The following STKLD1 variants were observed in gnomAD, a reference collection of about 807,000 sequenced individuals.
STKLD1 encodes the protein serine/threonine kinase like domain containing 1.
Under a neutral mutation model 80.4 loss-of-function variants are expected in STKLD1, and 79 were observed. That is an observed-to-expected ratio of 0.98 (90% CI 0.82 to 1.19). The LOEUF (loss-of-function observed/expected upper bound fraction) is 1.19. Among genes scored for constraint, STKLD1 ranks in the 50% most tolerant of loss-of-function variants. STKLD1 has a pLI of 0.00. For synonymous variants in STKLD1, 393 were observed against 357.6 expected (o/e 1.10, Z -1.12); for missense variants, 841 against 856.0 (o/e 0.98, Z 0.22).
intron 1 of STKLD1, among the ~76,000 whole-genome samples, chr9:133,376,956 T>A (rs1299707634): frequency 1.3e-5 from 2 of 152,146 alleles, no homozygotes; most frequent in African/African-American, 4.8e-5. Flanking sequence ...GTTTGAGACC[T>A]AAAAAATTCA....
chr9:133,395,794 T>C (rs1554776655), intron 9 of STKLD1, 31 bp downstream of exon 9: 2 of 1,605,350 alleles, frequency 1.2e-6, no homozygotes, highest in Admixed American at 3.4e-5. Context: ...TATTTTAACC[T>C]GTGGATTTAT....
chr9:133,404,718 C>A, intron 16 of STKLD1, 71 bp from the exon 17 acceptor site: 1 of 1,564,424 alleles, frequency 6.4e-7, no homozygotes, highest in South Asian at 1.2e-5. Context: ...GGGTCCCATC[C>A]CGTCCTGGGC....
intron 1 of STKLD1, among the ~76,000 whole-genome samples, chr9:133,377,540 G>A (rs1220489288): frequency 6.6e-6 from 1 of 152,226 alleles, no homozygotes; most frequent in Non-Finnish European, 1.5e-5. Flanking sequence ...GCGCATGCCT[G>A]TAATCACAGC....
In STKLD1 at chr9:133,384,190, C is replaced by T. The variant is rs1838214747; in HGVS notation, c.219+290C>T. 2.8e-6 allele frequency: 1 copy of T among 352,534 alleles called. No individual in the cohort carries two copies. The highest frequency in any genetic ancestry group is 3.4e-5 in the South Asian group (1 of 29,238). 21.8% of individuals were successfully genotyped at this position (352,534 alleles called of 1,614,324 possible). A position where few individuals can be genotyped will look rare whatever the true frequency, so the allele number is the denominator to read the frequency against. ...ACGGTGGCTCACATTTGTAATCCCA[C>T]CACTTTGGGAGGCCGAGGCGGGTGG... On this transcript the variant is annotated intron_variant, in intron 3 of 17. Transcript: ENST00000371957. This position sits in a 1 kb window ranked among gnomAD's most constrained non-coding sequence, Gnocchi z 4.3.
rs1385360647 is a variant in STKLD1 at position 133,394,362 on chromosome 9, TC to T, written c.658del (p.Leu220TrpfsTer8). 18 of 1,613,724 alleles carry T rather than the reference TC, an allele frequency of 1.1e-5. No homozygotes were observed. Among genetic ancestry groups the T allele is most frequent in the African/African-American group, 2.7e-5 (2 of 74,878 alleles). On this transcript the variant is annotated frameshift_variant, in exon 8 of 18. Transcript: ENST00000371957. LOFTEE classifies it high-confidence loss of function. The surrounding 1 kb of genome is among the most constrained non-coding windows in gnomAD (Gnocchi z 4.9). ...FSFSQKSDIW[S>X]LGCIILDMTS... is the part of the protein sequence containing the mutation. ...CTTCAGCCAGAAATCAGACATCTGG[TC>T]CCTGGGCTGCATCATTCTGGACATG...
At chr9:133,397,107 C>T (rs587596466) in intron 9 of STKLD1, 57 bp from the exon 10 acceptor site, 37 of 1,607,712 alleles carry the variant, frequency 2.3e-5, no homozygotes, top group Admixed American at 2.2e-4. Flanking sequence ...GAGAGCCCCA[C>T]GGGGAGGTGG....
intron 11 of STKLD1, 93 bp downstream of exon 11, chr9:133,398,148 G>A (rs1387653600): frequency 2.2e-5 from 28 of 1,249,656 alleles, no homozygotes; most frequent in East Asian, 1.5e-4. Context: ...CCCTCACCCC[G>A]GGCTCTCCTC....
At chr9:133,398,476 G>T (rs1838617668) in intron 11 of STKLD1, among the ~76,000 whole-genome samples, 1 of 152,178 alleles carries the variant, frequency 6.6e-6, no homozygotes, top group African/African-American at 2.4e-5. Context: ...GATACAACTT[G>T]CCCACCTATT....
chr9:133,397,396 G>A, intron 10 of STKLD1, 102 bp downstream of exon 10: 1 of 1,495,836 alleles, frequency 6.7e-7, no homozygotes, highest in East Asian at 2.4e-5. Context: ...TATGCCCCTG[G>A]CCTTGCTCCA....
intron 13 of STKLD1, among the ~76,000 whole-genome samples, chr9:133,402,669 T>A (rs587610346): frequency 6.6e-6 from 1 of 152,164 alleles, no homozygotes; most frequent in Non-Finnish European, 1.5e-5. Flanking sequence ...ATGGCAGCTA[T>A]TGGGACTGGT....
chr9:133,403,609 G>C, intron 14 of STKLD1, 91 bp from the exon 15 acceptor site: 1 of 1,502,140 alleles, frequency 6.7e-7, no homozygotes, highest in Non-Finnish European at 9.0e-7. Context: ...GTTGTCGTTA[G>C]CTGGAGGAAG....
intron 13 of STKLD1, among the ~76,000 whole-genome samples, chr9:133,402,341 C>T (rs903047971): frequency 6.6e-6 from 1 of 152,160 alleles, no homozygotes; most frequent in East Asian, 1.9e-4. Context: ...AGCTGGGCCT[C>T]GAGAGAGCCT....
In STKLD1 at chr9:133,379,074, C is replaced by T. The variant is rs2130259575; in HGVS notation, c.126C>T (p.Asn42=). 1.2e-6 allele frequency: 2 copies of T among 1,613,810 alleles called. No individual in the cohort carries two copies. Among genetic ancestry groups the T allele is most frequent in the East Asian group, 4.5e-5 (2 of 44,890 alleles). ...TGAATCCTGGGGCCTTGGGGGTGAA[C>T]CTGGTGGTGGAGGAAATGGAAACCA... is the stretch of plus-strand genomic sequence containing the variant. ...YQLNPGALGV[N]LVVEEMETKV... Residue 42 remains asparagine, a synonymous_variant, in exon 2 of 18, where the codon AAC becomes AAT. Coordinates refer to ENST00000371957, the MANE Select transcript of STKLD1 (RefSeq NM_153710.5).
rs587604470 is a variant in STKLD1 at position 133,401,725 on chromosome 9, C to T, written c.1199-13C>T. 6.2e-7 allele frequency: 1 copy of T among 1,609,334 alleles called. No homozygotes were observed. Among genetic ancestry groups the T allele is most frequent in the African/African-American group, 1.3e-5 (1 of 74,954 alleles). ...TGGGGCTAACCCCAGGCGTCTTCCT[C>T]TGGCTTGAGCAGCGCTGGTGCACCA... On this transcript the variant is annotated splice_polypyrimidine_tract_variant and intron_variant, in intron 12 of 17. Coordinates refer to ENST00000371957, the MANE Select transcript of STKLD1 (RefSeq NM_153710.5).
At chr9:133,382,894 T>C (rs909856602) in intron 2 of STKLD1, among the ~76,000 whole-genome samples, 3 of 144,046 alleles carry the variant, frequency 2.1e-5, no homozygotes, top group African/African-American at 8.2e-5. Flanking sequence ...ATGATGGTGA[T>C]GATGTTGGTG....
chr9:133,378,997 T>C (rs2130259105), intron 1 of STKLD1, 39 bp from the exon 2 acceptor site: 3 of 1,580,142 alleles, frequency 1.9e-6, no homozygotes, highest in Non-Finnish European at 2.6e-6. Context: ...GGAAAAGTTG[T>C]GTGCATTTCC....
Position 133,390,681 on chromosome 9 carries a change from G to C in STKLD1, c.468G>C (p.Arg156Ser), listed in dbSNP as rs2130286980. 8.1e-6 allele frequency: 13 copies of C among 1,612,276 alleles called. No homozygotes were observed. Among genetic ancestry groups the C allele is most frequent in the Admixed American group, 3.3e-5 (2 of 59,944 alleles). The change falls in exon 7 of 18, where the codon AGG becomes AGC. Residue 156 changes from arginine to serine, a missense_variant and splice_region_variant. Physicochemically the swap from Arg to Ser is moderately radical, Grantham distance 110 (BLOSUM62 -1). Transcript: ENST00000371957. This position sits in a 1 kb window ranked among gnomAD's most constrained non-coding sequence, Gnocchi z 5.1. ...AGGCAAACCCACCTCTTGGTTTCAG[G>C]AATCTCAAACCCTCCAACATCATCC... ...EYLHHLDIIH[R>S]NLKPSNIILI... is the part of the protein sequence containing the mutation.
In STKLD1 at chr9:133,394,707, G is replaced by A; in HGVS notation, c.702+298G>A. On this transcript the variant is annotated intron_variant, in intron 8 of 17. Coordinates refer to ENST00000371957, the MANE Select transcript of STKLD1 (RefSeq NM_153710.5). This position sits in a 1 kb window ranked among gnomAD's most constrained non-coding sequence, Gnocchi z 4.9. ...CTGACTCTTGATGGAGAAAAGCCAA[G>A]TTCAGGTGCCCTTGTGAGCATGAAG... The A allele has an allele frequency of 2.5e-6, 1 of 397,188 alleles. No individual in the cohort carries two copies. The highest frequency in any genetic ancestry group is 4.7e-6 in the Non-Finnish European group (1 of 214,174). The allele number at this position is 397,188 out of a possible 1,614,324, so 24.6% of individuals were successfully genotyped here. A position where few individuals can be genotyped will look rare whatever the true frequency, so the allele number is the denominator to read the frequency against.
At position 133,397,237 on chromosome 9, in the gene STKLD1, A is replaced by T; in HGVS notation, c.940A>T (p.Met314Leu). 1 of 1,613,936 alleles carries T rather than the reference A, an allele frequency of 6.2e-7. No individual in the cohort carries two copies. The change falls in exon 10 of 18, where the codon ATG becomes TTG. Residue 314 changes from methionine to leucine, a missense_variant. Physicochemically the swap from Met to Leu is conservative, Grantham distance 15. Coordinates refer to ENST00000371957, the MANE Select transcript of STKLD1 (RefSeq NM_153710.5). ...SCVSLTLHRQ[M>L]VPASITDMLL... ...CGTCTCTCTGACCCTGCACCGGCAG[A>T]TGGTGCCTGCGTCCATCACCGACAT...
Sources: gnomAD v4.1 joint callset for allele counts (sites outside exome capture counted in the v4.1 genomes callset) on GRCh38, gnomAD v4.1.1 for gene constraint, Gnocchi (gnomAD v3.1) non-coding constraint, MANE v1.5 for transcripts, NCBI Gene and HGNC (gene_info 2026-07-23, HGNC 2026-07-21) for gene names.